ABAT: variants seen among roughly 807,000 people sequenced by gnomAD.
ABAT encodes 4-aminobutyrate aminotransferase.
ABAT carries 45 observed loss-of-function variants against 64.6 expected under a neutral mutation model. The observed-to-expected ratio is 0.70, with a 90% CI of 0.55 to 0.89. The LOEUF (loss-of-function observed/expected upper bound fraction) is 0.89, where lower values mean the gene tolerates loss of function less well. ABAT is among the 40% of genes least tolerant of loss of function. The probability of loss-of-function intolerance (pLI) is 0.00; values close to 1 mark genes in which losing one functional copy is unlikely to be tolerated. For synonymous variants in ABAT, 297 were observed against 250.5 expected, an observed-to-expected ratio of 1.19 and a Z score of -1.75; for missense variants, 633 against 658.4, an observed-to-expected ratio of 0.96 and a Z score of 0.42.
At chr16:8,712,990 C>A (rs1251707439) in intron 1 of ABAT, 1 of 152,094 alleles carries the variant, frequency 6.6e-6, no homozygotes, top group Non-Finnish European at 1.5e-5. Context: ...CCCTCATTAC[C>A]TCTTCTGGGC....
At chr16:8,756,028 A>G (rs988965272) in intron 5 of ABAT, among the ~76,000 whole-genome samples, 4 of 151,628 alleles carry the variant, frequency 2.6e-5, no homozygotes, top group Admixed American at 1.3e-4. Context: ...CAGCCTGGGC[A>G]ACAGAGCGAG....
chr16:8,746,173 C>G (rs370941489), intron 3 of ABAT, 75 bp downstream of exon 3: 46 of 1,059,064 alleles, frequency 4.3e-5, no homozygotes, highest in Non-Finnish European at 6.2e-5. Flanking sequence ...CACAGCCAAG[C>G]TTAGGGACCT....
chr16:8,764,289 T>G lies in ABAT; in HGVS notation c.447+140T>G. On this transcript the variant is annotated intron_variant, in intron 7 of 15. Transcript: ENST00000268251. This position sits in a 1 kb window ranked among gnomAD's most constrained non-coding sequence, Gnocchi z 4.2. ...GAGCTTATTCTTCCATGCAGAGTAT[T>G]TTAAATTTTTCTTTTAAAGGACAGA... is the stretch of plus-strand genomic sequence containing the variant. 3.8e-6 allele frequency: 3 copies of G among 799,190 alleles called. No individual in the cohort carries two copies. The East Asian group carries it at 8.0e-5, about 21-fold the overall frequency. 49.5% of individuals were successfully genotyped at this position (799,190 alleles called of 1,614,324 possible).
At chr16:8,752,300 G>C (rs2059511666) in intron 5 of ABAT, among the ~76,000 whole-genome samples, 1 of 152,230 alleles carries the variant, frequency 6.6e-6, no homozygotes, top group South Asian at 2.1e-4. Context: ...TTGTGTGGGA[G>C]TGGAAGGGAT....
At chr16:8,758,603 G>A (rs2059709233) in intron 6 of ABAT, among the ~76,000 whole-genome samples, 1 of 152,038 alleles carries the variant, frequency 6.6e-6, no homozygotes, top group Non-Finnish European at 1.5e-5. Flanking sequence ...GCTGTCCTGT[G>A]CATTGAGACA....
At chr16:8,753,476 G>C (rs1268003430) in intron 5 of ABAT, among the ~76,000 whole-genome samples, 3 of 152,214 alleles carry the variant, frequency 2.0e-5, no homozygotes, top group Admixed American at 2.0e-4. Context: ...CCACAGCATA[G>C]AAAGCCCAAG....
At chr16:8,768,372 TC>T (rs1450904601) in intron 10 of ABAT, 116 bp downstream of exon 10, 3 of 988,748 alleles carry the variant, frequency 3.0e-6, no homozygotes, top group South Asian at 1.3e-5. Context: ...TTGCACACAA[TC>T]CCACTGCAGA....
In ABAT at chr16:8,776,254, T is replaced by C. The variant is rs1022966324; in HGVS notation, c.1123-90T>C. ...GCCCACTAGATTAGTTTCTCTCCTC[T>C]TCAAGAGAGGAGGCGGGGCGCCTGG... On this transcript the variant is annotated intron_variant, in intron 13 of 15. Coordinates refer to ENST00000268251, the MANE Select transcript of ABAT (RefSeq NM_020686.6). The surrounding 1 kb of genome is among the most constrained non-coding windows in gnomAD (Gnocchi z 4.4). The C allele has an allele frequency of 5.0e-5, 79 of 1,584,752 alleles. No individual in the cohort carries two copies. Among genetic ancestry groups the C allele is most frequent in the East Asian group, 1.6e-4 (7 of 44,736 alleles).
intron 1 of ABAT, chr16:8,715,078 C>T (rs2058175945): frequency 1.3e-5 from 2 of 152,280 alleles, no homozygotes. Context: ...CTTGGACCCT[C>T]TGACATCACA....
Position 8,772,817 on chromosome 16 carries a change from A to C in ABAT, c.854A>C (p.Lys285Thr), listed in dbSNP as rs757241677. The stretch of plus-strand genomic sequence containing the variant: ...ATTGTGAAATATCGGAAAAAGAAGA[A>C]GACGGTGGCCGGGATCATCGTGGAG... ...DLIVKYRKKKKTVAGIIVEPI... is the reference protein window; with the variant it reads ...DLIVKYRKKKTTVAGIIVEPI... Residue 285 changes from lysine (K) to threonine (T), a missense_variant, in exon 12 of 16, where the codon AAG becomes ACG. Transcript: ENST00000268251. 6.2e-7 allele frequency: 1 copy of C among 1,614,144 alleles called. No individual in the cohort carries two copies. Among genetic ancestry groups the C allele is most frequent in the South Asian group, 1.1e-5 (1 of 91,080 alleles).
intron 3 of ABAT, 97 bp from the exon 4 acceptor site, chr16:8,748,011 G>GA (rs1567301798): frequency 6.5e-6 from 8 of 1,231,832 alleles, no homozygotes; most frequent in Admixed American, 3.8e-5. Flanking sequence ...ATTGGCAAAA[G>GA]AAAAAAATGC....
Position 8,784,499 on chromosome 16 carries a change from T to C in ABAT, c.*3069T>C, listed in dbSNP as rs1339570235. On this transcript the variant is annotated 3_prime_UTR_variant, in exon 16 of 16. Transcript: ENST00000268251. ...CATGTCACAATGTAACGGATGACCA[T>C]ATGCACAATTCCATGAATTAAATCT... 1 of 152,366 alleles carries C rather than the reference T, an allele frequency of 6.6e-6. No homozygotes were observed. The highest frequency in any genetic ancestry group is 1.5e-5 in the Non-Finnish European group (1 of 68,042). The allele number at this position is 152,366 out of a possible 1,614,324, so 9.4% of individuals were successfully genotyped here.
At chr16:8,779,250 CTGGTGG>C (rs879891338) in intron 14 of ABAT, among the ~76,000 whole-genome samples, 1 of 151,562 alleles carries the variant, frequency 6.6e-6, no homozygotes, top group African/African-American at 2.4e-5. Flanking sequence ...GTTGTTGTTG[CTGGTGG>C]TGGTGGTGGT....
intron 9 of ABAT, 37 bp downstream of exon 9, chr16:8,766,307 G>A: frequency 6.2e-7 from 1 of 1,601,022 alleles, no homozygotes; most frequent in Non-Finnish European, 8.5e-7. Flanking sequence ...TACATCTGGG[G>A]AAGCTGCACA....
intron 1 of ABAT, among the ~76,000 whole-genome samples, chr16:8,710,050 G>T (rs765848515): frequency 4.6e-5 from 7 of 151,320 alleles, no homozygotes; most frequent in Non-Finnish European, 8.8e-5. Context: ...TGAGCTCAAG[G>T]AATCCGCCCA....
chr16:8,726,363 C>T (rs1191844064), intron 1 of ABAT, among the ~76,000 whole-genome samples: 1 of 147,006 alleles, frequency 6.8e-6, no homozygotes. Flanking sequence ...CGGGTTCAAG[C>T]GATTCTCCTG....
At chr16:8,769,614 A>G (rs188096133) in intron 11 of ABAT, among the ~76,000 whole-genome samples, 174 of 151,306 alleles carry the variant, frequency 1.1e-3, no homozygotes, top group African/African-American at 4.1e-3. Flanking sequence ...GGGATATCCC[A>G]CAGGAAAAAA....
rs185698211 is a variant in ABAT, at chr16:8,722,092, G to C, written c.-41-13607G>C. Reference sequence around the variant, plus strand: ...TCAGTTCTGATCATGTCAAGGAAAAGGTCCCCATGTGATGCCAGCCTGCCT... The same window carrying C: ...TCAGTTCTGATCATGTCAAGGAAAACGTCCCCATGTGATGCCAGCCTGCCT... On this transcript the variant is annotated intron_variant, in intron 1 of 15. Coordinates refer to ENST00000268251, the MANE Select transcript of ABAT (RefSeq NM_020686.6). Among the ~76,000 whole-genome samples, 36 of 152,312 alleles carry C rather than the reference G, an allele frequency of 2.4e-4. No individual in the cohort carries two copies. The East Asian group carries it at 3.9e-3, about 16-fold the overall frequency.
chr16:8,704,203 G>C (rs758189496), intron 1 of ABAT, among the ~76,000 whole-genome samples: 2 of 152,220 alleles, frequency 1.3e-5, no homozygotes, highest in Non-Finnish European at 2.9e-5. Context: ...ATGCTAGAAA[G>C]CTAATGTCCT....
Sources: allele counts gnomAD v4.1 joint callset (sites outside exome capture counted in the v4.1 genomes callset), GRCh38; gene constraint gnomAD v4.1.1; non-coding constraint Gnocchi (gnomAD v3.1); transcripts MANE v1.5; gene names NCBI Gene and HGNC (gene_info 2026-07-23, HGNC 2026-07-21).